PLCB1: variants seen among roughly 807,000 people sequenced by gnomAD.
PLCB1 encodes 1-phosphatidylinositol 4,5-bisphosphate phosphodiesterase beta-1.
In PLCB1, 46 loss-of-function variants were observed where a neutral mutation model predicts 161.8. The ratio of observed to expected loss-of-function variants is 0.28; its 90% CI spans 0.22 to 0.36. The LOEUF is 0.36. Ranked by LOEUF, PLCB1 falls within the 10% of genes least tolerant of loss-of-function variation. The pLI is 1.00. For synonymous variants in PLCB1, 517 were observed against 503.7 expected (o/e 1.03, Z -0.35); for missense variants, 1,016 against 1,472.5 (o/e 0.69, Z 5.07).
chr20:8,716,996 T>A (rs1979352683), intron 13 of PLCB1, among the ~76,000 whole-genome samples: 1 of 152,206 alleles, frequency 6.6e-6, no homozygotes, highest in African/African-American at 2.4e-5. Flanking sequence ...AAGTAACCTA[T>A]CTTGTGGCTT....
At chr20:8,859,848 G>T (rs1987196051) in intron 31 of PLCB1, among the ~76,000 whole-genome samples, 1 of 151,908 alleles carries the variant, frequency 6.6e-6, no homozygotes, top group Non-Finnish European at 1.5e-5. Flanking sequence ...AAAAAAAAAA[G>T]ACATAATATA....
chr20:8,317,859 A>G (rs1437938777), intron 2 of PLCB1, among the ~76,000 whole-genome samples: 3 of 152,308 alleles, frequency 2.0e-5, no homozygotes, highest in African/African-American at 7.2e-5. Context: ...TTTAAAGTCA[A>G]TTATTAAATA....
intron 2 of PLCB1, among the ~76,000 whole-genome samples, chr20:8,265,368 G>A (rs533445409): frequency 5.3e-5 from 8 of 152,222 alleles, no homozygotes; most frequent in African/African-American, 7.2e-5. Context: ...TTCCACAAGC[G>A]AATGGCGAAG....
chr20:8,494,341 G>T (rs1983070457), intron 3 of PLCB1, among the ~76,000 whole-genome samples: 1 of 152,012 alleles, frequency 6.6e-6, no homozygotes, highest in South Asian at 2.1e-4. Flanking sequence ...TGTGTTTAAG[G>T]AATTCTAAGA....
chr20:8,769,310 TA>T (rs1479331457), intron 26 of PLCB1, among the ~76,000 whole-genome samples: 4 of 151,864 alleles, frequency 2.6e-5, no homozygotes, highest in East Asian at 1.9e-4. Context: ...TTTGTGGTTT[TA>T]AAAAAAAGTG....
At chr20:8,364,315 C>T (rs929198468) in intron 2 of PLCB1, among the ~76,000 whole-genome samples, 1 of 152,160 alleles carries the variant, frequency 6.6e-6, no homozygotes, top group African/African-American at 2.4e-5. Context: ...TTGCCAATAA[C>T]ATTGGGCCAA....
rs2051497117 is a variant in PLCB1, at chr20:8,150,321, T to G, written c.127T>G (p.Leu43Val). ...CTCAACTATTGTTACTCCAATTATT[T>G]TGAGGACTGACCCTCAGGGATTTTT... ...DDSTIVTPII[L>V]RTDPQGFFFY... Residue 43 changes from leucine (L) to valine (V), a missense_variant, in exon 2 of 32, where the codon TTG becomes GTG. Transcript: ENST00000338037. 1 of 1,556,334 alleles carries G rather than the reference T, an allele frequency of 6.4e-7. No individual in the cohort carries two copies. Among genetic ancestry groups the G allele is most frequent in the South Asian group, 1.1e-5 (1 of 87,852 alleles).
intron 1 of PLCB1, among the ~76,000 whole-genome samples, chr20:8,138,341 C>T (rs940820833): frequency 1.3e-5 from 2 of 152,122 alleles, no homozygotes; most frequent in Admixed American, 6.5e-5. Flanking sequence ...GTAAATGTTT[C>T]CTTATCAGAA....
chr20:8,731,085 T>C (rs1980218522), intron 18 of PLCB1, among the ~76,000 whole-genome samples: 1 of 151,874 alleles, frequency 6.6e-6, no homozygotes, highest in Admixed American at 6.6e-5. Flanking sequence ...GGCATCTTTC[T>C]TTTTTATTCA....
intron 1 of PLCB1, among the ~76,000 whole-genome samples, chr20:8,136,740 T>TA (rs1201060553): frequency 6.6e-6 from 1 of 152,178 alleles, no homozygotes; most frequent in Non-Finnish European, 1.5e-5. Flanking sequence ...ATTCAGACCT[T>TA]ACTTCCATTC....
intron 2 of PLCB1, among the ~76,000 whole-genome samples, chr20:8,247,036 A>G (rs76587948): frequency 0.023 from 3,566 of 152,032 alleles, 151 homozygotes; most frequent in African/African-American, 0.081. Context: ...ATTCTTTAAT[A>G]CAGATGGCTT....
At chr20:8,796,319 C>T (rs144830473) in intron 31 of PLCB1, among the ~76,000 whole-genome samples, 529 of 152,198 alleles carry the variant, frequency 3.5e-3, no homozygotes, top group Admixed American at 0.012. Flanking sequence ...TGAAGTTAGT[C>T]TTGTTAGACC....
At chr20:8,400,348 A>G (rs1978496399) in intron 3 of PLCB1, among the ~76,000 whole-genome samples, 1 of 152,222 alleles carries the variant, frequency 6.6e-6, no homozygotes, top group South Asian at 2.1e-4. Context: ...ATTACCAGGC[A>G]CATAATCACT....
chr20:8,530,697 A>G (rs1158886517), intron 3 of PLCB1, among the ~76,000 whole-genome samples: 2 of 152,068 alleles, frequency 1.3e-5, no homozygotes, highest in African/African-American at 4.8e-5. Flanking sequence ...TTCAACTATT[A>G]TATGTCTTTA....
At chr20:8,879,532 A>G (rs557639255) in intron 31 of PLCB1, among the ~76,000 whole-genome samples, 1 of 152,194 alleles carries the variant, frequency 6.6e-6, no homozygotes, top group Non-Finnish European at 1.5e-5. Flanking sequence ...GAAATTATAC[A>G]TATTTCATGT....
intron 31 of PLCB1, among the ~76,000 whole-genome samples, chr20:8,871,418 C>G (rs1042133292): frequency 2.7e-4 from 41 of 152,160 alleles, no homozygotes; most frequent in African/African-American, 9.4e-4. Flanking sequence ...GCAGATTCTA[C>G]AAGGCTCAAT....
chr20:8,350,267 A>C (rs965689294), intron 2 of PLCB1, among the ~76,000 whole-genome samples: 1 of 152,078 alleles, frequency 6.6e-6, no homozygotes, highest in African/African-American at 2.4e-5. Context: ...TAGGCCCCAG[A>C]GTGTGGTGTT....
intron 2 of PLCB1, among the ~76,000 whole-genome samples, chr20:8,264,276 A>C (rs1981843859): frequency 6.6e-6 from 1 of 152,188 alleles, no homozygotes. Context: ...GAAGGTCTGC[A>C]GGGGCGATAA....
At chr20:8,218,465 G>C (rs889847229) in intron 2 of PLCB1, among the ~76,000 whole-genome samples, 1 of 152,056 alleles carries the variant, frequency 6.6e-6, no homozygotes, top group African/African-American at 2.4e-5. Flanking sequence ...TCAAATTTCA[G>C]CTTCCACCGC....
Sources: allele counts gnomAD v4.1 joint callset (sites outside exome capture counted in the v4.1 genomes callset), GRCh38; gene constraint gnomAD v4.1.1; transcripts MANE v1.5; gene names NCBI Gene and HGNC (gene_info 2026-07-23, HGNC 2026-07-21).